AHCYL1: variants seen among roughly 807,000 people sequenced by gnomAD.
AHCYL1 encodes the protein adenosylhomocysteinase like 1.
AHCYL1 carries 20 observed loss-of-function variants against 79.3 expected under a neutral mutation model. The ratio of observed to expected loss-of-function variants is 0.25; its 90% CI spans 0.18 to 0.37. The LOEUF is 0.37. Among genes scored for constraint, AHCYL1 ranks in the 10% least tolerant of loss-of-function variants. The probability of loss-of-function intolerance (pLI) is 1.00; values close to 1 mark genes in which losing one functional copy is unlikely to be tolerated. For synonymous variants in AHCYL1, 223 were observed against 242.2 expected, an observed-to-expected ratio of 0.92 and a Z score of 0.74; for missense variants, 330 against 673.6, an observed-to-expected ratio of 0.49 and a Z score of 5.65.
chr1:110,005,656 A>G (rs1213077045), intron 1 of AHCYL1, among the ~76,000 whole-genome samples: 2 of 152,204 alleles, frequency 1.3e-5, no homozygotes, highest in African/African-American at 4.8e-5. Flanking sequence ...TTCAGGAGAT[A>G]GCAGGCAAAA....
chr1:109,985,256 G>A, intron 1 of AHCYL1, 84 bp downstream of exon 1: 1 of 1,505,858 alleles, frequency 6.6e-7, no homozygotes, highest in South Asian at 1.3e-5. Context: ...TGGCTAGTTT[G>A]GGACTTCTGG....
chr1:109,991,111 T>C (rs759764452), intron 1 of AHCYL1, among the ~76,000 whole-genome samples: 29 of 152,208 alleles, frequency 1.9e-4, no homozygotes, highest in Non-Finnish European at 4.3e-4. Flanking sequence ...TTTCTATCTC[T>C]GTTTAATTTT....
chr1:110,016,933 A>AT (rs897677297), intron 9 of AHCYL1, among the ~76,000 whole-genome samples: 1 of 152,196 alleles, frequency 6.6e-6, no homozygotes, highest in African/African-American at 2.4e-5. Flanking sequence ...AGATTTTACC[A>AT]TTTTGCCTTG....
At chr1:110,020,110 A>C (rs1258343580) in intron 15 of AHCYL1, among the ~76,000 whole-genome samples, 2 of 152,196 alleles carry the variant, frequency 1.3e-5, no homozygotes, top group Non-Finnish European at 2.9e-5. Context: ...CCCATCTCCC[A>C]TATCTCCTTG....
chr1:110,016,826 C>G, intron 9 of AHCYL1, 96 bp downstream of exon 9: 2 of 1,419,534 alleles, frequency 1.4e-6, no homozygotes, highest in South Asian at 1.3e-5. Context: ...GTCACTGATA[C>G]AAGGTTTAAA....
intron 16 of AHCYL1, 146 bp from the exon 17 acceptor site, chr1:110,021,528 A>T (rs1224503228): frequency 2.0e-5 from 13 of 657,236 alleles, no homozygotes; most frequent in Non-Finnish European, 2.9e-5. Context: ...TGGAAGAATA[A>T]GGGAGACTGG....
At chr1:110,014,690 G>T in intron 5 of AHCYL1, 73 bp from the exon 6 acceptor site, 1 of 1,140,096 alleles carries the variant, frequency 8.8e-7, no homozygotes, top group Non-Finnish European at 1.3e-6. Context: ...CTCTTCACAT[G>T]GATCTCAGAA....
Position 110,022,798 on chromosome 1 carries a change from A to G in AHCYL1, c.*1118A>G, listed in dbSNP as rs1010958947. The G allele has an allele frequency of 3.9e-5, 6 of 152,494 alleles. No homozygotes were observed. The highest frequency in any genetic ancestry group is 1.4e-4 in the African/African-American group (6 of 41,462). The allele number at this position is 152,494 out of a possible 1,614,324, so 9.4% of individuals were successfully genotyped here. A position where few individuals can be genotyped will look rare whatever the true frequency, so the allele number is the denominator to read the frequency against. On this transcript the variant is annotated 3_prime_UTR_variant, in exon 17 of 17. Coordinates refer to ENST00000369799, the MANE Select transcript of AHCYL1 (RefSeq NM_006621.7). ...GCCAGGGCAAGAAAAATCTAGCTTCATATAATTTGTCTGGGACTATACACC... is the reference window on the plus strand; with the variant it reads ...GCCAGGGCAAGAAAAATCTAGCTTCGTATAATTTGTCTGGGACTATACACC...
At chr1:110,000,842 T>C in intron 1 of AHCYL1, 1 of 605,258 alleles carries the variant, frequency 1.7e-6, no homozygotes, top group Non-Finnish European at 2.1e-6. Context: ...TGTTTTCTCA[T>C]TTGTGAAGCA....
At chr1:109,995,657 A>G in intron 1 of AHCYL1, 1 of 985,430 alleles carries the variant, frequency 1.0e-6, no homozygotes, top group Non-Finnish European at 1.2e-6. Flanking sequence ...TCCTGCTTAG[A>G]TTATTTCTTA....
chr1:110,017,659 T>G (rs1651506709), intron 10 of AHCYL1, 76 bp downstream of exon 10: 1 of 1,482,146 alleles, frequency 6.7e-7, no homozygotes, highest in South Asian at 1.2e-5. Context: ...TTGAGTATAT[T>G]AATCATTTTT....
chr1:109,996,502 C>T (rs1170080956), intron 1 of AHCYL1, among the ~76,000 whole-genome samples: 1 of 152,164 alleles, frequency 6.6e-6, no homozygotes, highest in African/African-American at 2.4e-5. Flanking sequence ...CATTTAAGTC[C>T]AGTGAAGTGG....
intron 1 of AHCYL1, among the ~76,000 whole-genome samples, chr1:110,000,472 A>T (rs1180536794): frequency 2.0e-5 from 3 of 152,180 alleles, no homozygotes; most frequent in African/African-American, 7.2e-5. Flanking sequence ...TTTCAATGGC[A>T]ATTTGTTGGC....
chr1:109,998,661 A>G (rs1255088815), intron 1 of AHCYL1, among the ~76,000 whole-genome samples: 4 of 152,020 alleles, frequency 2.6e-5, no homozygotes, highest in African/African-American at 9.7e-5. Flanking sequence ...TATTTTTAGT[A>G]CAGATGAGGT....
At chr1:109,985,249 C>T (rs1649404614) in intron 1 of AHCYL1, 77 bp downstream of exon 1, 3 of 1,525,144 alleles carry the variant, frequency 2.0e-6, no homozygotes, top group Middle Eastern at 2.0e-4. Context: ...CGGGCTCTGG[C>T]TAGTTTGGGA....
intron 9 of AHCYL1, 45 bp from the exon 10 acceptor site, chr1:110,017,450 A>T (rs768758664): frequency 8.9e-6 from 14 of 1,581,432 alleles, no homozygotes; most frequent in Non-Finnish European, 1.1e-5. Flanking sequence ...CTAAATATCC[A>T]TGACTTAATG....
chr1:109,994,580 C>T (rs1401863033), intron 1 of AHCYL1, among the ~76,000 whole-genome samples: 1 of 152,192 alleles, frequency 6.6e-6, no homozygotes, highest in East Asian at 1.9e-4. Context: ...TGAGCCACTG[C>T]ACCCGGCAAA....
chr1:109,994,097 C>T (rs1434883199), intron 1 of AHCYL1, among the ~76,000 whole-genome samples: 1 of 152,216 alleles, frequency 6.6e-6, no homozygotes, highest in Non-Finnish European at 1.5e-5. Context: ...TTGAAACACA[C>T]CTTCTTTAGA....
intron 3 of AHCYL1, 51 bp downstream of exon 3, chr1:110,011,408 A>G (rs1320405443): frequency 1.9e-6 from 3 of 1,600,864 alleles, no homozygotes; most frequent in Non-Finnish European, 1.7e-6. Context: ...CTTGTTGGCC[A>G]TCAGAATCCA....
Sources: allele counts gnomAD v4.1 joint callset (sites outside exome capture counted in the v4.1 genomes callset), GRCh38; gene constraint gnomAD v4.1.1; transcripts MANE v1.5; gene names NCBI Gene and HGNC (gene_info 2026-07-23, HGNC 2026-07-21).